Variants in ADAMTS18 observed in about 807,000 individuals in gnomAD.
ADAMTS18 encodes ADAM metallopeptidase with thrombospondin type 1 motif 18.
In ADAMTS18, 157 loss-of-function variants were observed where a neutral mutation model predicts 165.9. The observed-to-expected ratio is 0.95, with a 90% CI of 0.83 to 1.08. The LOEUF is 1.08. Ranked by LOEUF, ADAMTS18 falls within the 50% of genes least tolerant of loss-of-function variation. ADAMTS18 has a pLI of 0.00. For missense variants in ADAMTS18, 2,040 were observed against 1,534.0 expected, an observed-to-expected ratio of 1.33 and a Z score of -5.51; for synonymous variants, 782 against 578.2, an observed-to-expected ratio of 1.35 and a Z score of -5.06.
chr16:77,328,275 T>C (rs773380602), intron 12 of ADAMTS18, among the ~76,000 whole-genome samples: 1 of 152,126 alleles, frequency 6.6e-6, no homozygotes, highest in Admixed American at 6.6e-5. Flanking sequence ...TTCTTGTCAC[T>C]CCTCCCATTT....
At chr16:77,379,976 C>A (rs2057008927) in intron 3 of ADAMTS18, among the ~76,000 whole-genome samples, 1 of 152,194 alleles carries the variant, frequency 6.6e-6, no homozygotes, top group Non-Finnish European at 1.5e-5. Flanking sequence ...TGTCTATGCA[C>A]TCTCAGTCTC....
intron 2 of ADAMTS18, among the ~76,000 whole-genome samples, chr16:77,434,149 A>AT (rs36037118): frequency 0.017 from 2,491 of 148,190 alleles, 33 homozygotes; most frequent in Admixed American, 0.025. Flanking sequence ...TGCAGTTAGG[A>AT]TTTTTTTTTT....
At chr16:77,338,377 T>C (rs1221140433) in intron 11 of ADAMTS18, among the ~76,000 whole-genome samples, 1 of 151,956 alleles carries the variant, frequency 6.6e-6, no homozygotes, top group Non-Finnish European at 1.5e-5. Flanking sequence ...CTGGGATTAC[T>C]GGCGTGCACC....
At chr16:77,341,966 G>C (rs1238119113) in intron 10 of ADAMTS18, among the ~76,000 whole-genome samples, 167 bp from the exon 11 acceptor site, 1 of 152,176 alleles carries the variant, frequency 6.6e-6, no homozygotes, top group Non-Finnish European at 1.5e-5. Flanking sequence ...ATATGTTTTA[G>C]TAACTATATA....
intron 11 of ADAMTS18, among the ~76,000 whole-genome samples, chr16:77,339,745 A>G (rs1239545649): frequency 6.6e-6 from 1 of 152,138 alleles, no homozygotes; most frequent in East Asian, 1.9e-4. Context: ...ATTTCTATTA[A>G]CATTTTCAAG....
intron 3 of ADAMTS18, among the ~76,000 whole-genome samples, chr16:77,408,401 G>C (rs2057419120): frequency 1.3e-5 from 2 of 151,934 alleles, no homozygotes; most frequent in Admixed American, 6.6e-5. Context: ...CCTGCAAAAA[G>C]AATAGTCACA....
At chr16:77,414,789 T>C in intron 3 of ADAMTS18, among the ~76,000 whole-genome samples, 1 of 152,290 alleles carries the variant, frequency 6.6e-6, no homozygotes, top group African/African-American at 2.4e-5. Flanking sequence ...GCAATGGTAA[T>C]CCATCAATAA....
rs1418461673 is a variant in ADAMTS18 at position 77,302,780 on chromosome 16, A to T, written c.2533-2376T>A. ...GACATTTGAAATATATTCCCCTTTC[A>T]CCTTTTAGACAGATTCTAGAGCCTA... is the stretch of plus-strand genomic sequence containing the variant. On this transcript the variant is annotated intron_variant, in intron 16 of 22. Coordinates refer to ENST00000282849, the MANE Select transcript of ADAMTS18 (RefSeq NM_199355.4). Among the ~76,000 whole-genome samples, 12 of 152,056 alleles carry T rather than the reference A, an allele frequency of 7.9e-5. 1 individual carries two copies. The highest frequency in any genetic ancestry group is 3.9e-4 in the Admixed American group (6 of 15,272).
chr16:77,340,367 G>A (rs1273932454), intron 11 of ADAMTS18, among the ~76,000 whole-genome samples: 1 of 151,964 alleles, frequency 6.6e-6, no homozygotes, highest in Non-Finnish European at 1.5e-5. Context: ...TAGTCCCAAG[G>A]TTTCACCACG....
chr16:77,363,656 T>A, intron 6 of ADAMTS18, 146 bp downstream of exon 6: 1 of 637,728 alleles, frequency 1.6e-6, no homozygotes. Flanking sequence ...CACAATCTTT[T>A]AAAATTGTAC....
intron 3 of ADAMTS18, among the ~76,000 whole-genome samples, chr16:77,428,627 A>G (rs1266800237): frequency 1.3e-5 from 2 of 152,182 alleles, no homozygotes; most frequent in Non-Finnish European, 2.9e-5. Context: ...AGTACTCATT[A>G]AAGCTGAACA....
rs566187776 is a variant in ADAMTS18, at chr16:77,434,839, G to C, written c.-144C>G. On this transcript the variant is annotated 5_prime_UTR_variant, in exon 1 of 23. Coordinates refer to ENST00000282849, the MANE Select transcript of ADAMTS18 (RefSeq NM_199355.4). ...GCCGCCGCCGTTCACATCGCAGCGG[G>C]GGCGCGCTGGGACCTCCCCTCCTCC... 4.8e-6 allele frequency: 3 copies of C among 619,558 alleles called. No homozygotes were observed. In the South Asian group the frequency reaches 1.4e-4, roughly 29 times the overall value. The allele number at this position is 619,558 out of a possible 1,614,324, so 38.4% of individuals were successfully genotyped here. A position where few individuals can be genotyped will look rare whatever the true frequency, so the allele number is the denominator to read the frequency against.
chr16:77,372,107 A>G (rs989106914), intron 3 of ADAMTS18, among the ~76,000 whole-genome samples: 4 of 152,232 alleles, frequency 2.6e-5, no homozygotes, highest in African/African-American at 9.6e-5. Flanking sequence ...GACTATTATC[A>G]CAATGACAAT....
At chr16:77,354,826 G>C (rs1006774199) in intron 9 of ADAMTS18, among the ~76,000 whole-genome samples, 24 of 152,142 alleles carry the variant, frequency 1.6e-4, no homozygotes, top group Non-Finnish European at 3.2e-4. Flanking sequence ...CGGAAATTCA[G>C]CCTATGTTAA....
chr16:77,291,378 C>A lies in ADAMTS18; in HGVS notation c.3290G>T (p.Arg1097Leu), dbSNP rs150975249. 1.2e-6 allele frequency: 2 copies of A among 1,613,968 alleles called. No individual in the cohort carries two copies. Among genetic ancestry groups the A allele is most frequent in the African/African-American group, 1.3e-5 (1 of 74,912 alleles). The change falls in exon 21 of 23, where the codon CGT becomes CTT. Residue 1097 changes from arginine (R) to leucine (L), a missense_variant. Physicochemically the swap from Arg to Leu is moderately radical, Grantham distance 102 (BLOSUM62 -2). Transcript: ENST00000282849. The part of the protein sequence containing the change: ...KLITFPERRC[R>L]NIKKPNLDLE... ...GTCCAGATTTGGTTTCTTAATATTA[C>A]GGCATCTTCGCTCTGGGAAAGTTAT...
intron 22 of ADAMTS18, among the ~76,000 whole-genome samples, chr16:77,284,486 G>GAGGGCCTACAGAAC (rs1483261344): frequency 5.3e-5 from 8 of 152,020 alleles, no homozygotes; most frequent in Non-Finnish European, 8.8e-5. Context: ...TTCTTAAGGT[G>GAGGGCCTACAGAAC]AGGGCCTACA....
intron 19 of ADAMTS18, 149 bp from the exon 20 acceptor site, chr16:77,293,407 C>G: frequency 1.5e-6 from 1 of 681,990 alleles, no homozygotes; most frequent in Non-Finnish European, 2.5e-6. Context: ...CTTAACCACC[C>G]CCATTCCCAT....
chr16:77,295,554 A>T (rs184409506), intron 18 of ADAMTS18, among the ~76,000 whole-genome samples: 191 of 152,322 alleles, frequency 1.3e-3, no homozygotes, highest in Middle Eastern at 3.4e-3. Flanking sequence ...GTACTTTCTG[A>T]TAAGTGCTGC....
chr16:77,429,536 C>T (rs143340214), intron 3 of ADAMTS18, among the ~76,000 whole-genome samples: 2 of 152,256 alleles, frequency 1.3e-5, no homozygotes, highest in African/African-American at 4.8e-5. Flanking sequence ...ACCCTTGTGA[C>T]ATGAGTTCAC....
Sources: allele counts gnomAD v4.1 joint callset (sites outside exome capture counted in the v4.1 genomes callset), GRCh38; gene constraint gnomAD v4.1.1; transcripts MANE v1.5; gene names NCBI Gene and HGNC (gene_info 2026-07-23, HGNC 2026-07-21).